HSPG2: variants seen among roughly 807,000 people sequenced by gnomAD.
The protein encoded by HSPG2 is basement membrane-specific heparan sulfate proteoglycan core protein.
In HSPG2, 278 loss-of-function variants were observed where a neutral mutation model predicts 526.6. That is an observed-to-expected ratio of 0.53 (90% confidence interval 0.48 to 0.58). The LOEUF is 0.58. Among genes scored for constraint, HSPG2 ranks in the 20% least tolerant of loss-of-function variants. The pLI, the probability that HSPG2 is intolerant of heterozygous loss-of-function variation, is 0.00. For missense variants in HSPG2, 5,354 were observed against 6,099.5 expected (o/e 0.88, Z 4.07); for synonymous variants, 2,465 against 2,555.4 (o/e 0.96, Z 1.07).
chr1:21,850,270 A>G, intron 56 of HSPG2, 78 bp from the exon 57 acceptor site: 1 of 1,611,482 alleles, frequency 6.2e-7, no homozygotes. Context: ...AGGCAGGTGC[A>G]GTCTGCGGCT....
rs1639272783 is a variant in HSPG2, at chr1:21,855,561, G to T, written c.5816C>A (p.Ala1939Asp). The stretch of plus-strand genomic sequence containing the variant: ...CACAGCCCTGGCCACCTGCTGCCCA[G>T]CGCTGCTGTGGGCTCGGCACAAGTA... ...AQYLCRAHSS[A>D]GQQVARAVLH... is the part of the protein sequence containing the mutation. Residue 1939 changes from alanine to aspartate, a missense_variant, in exon 46 of 97, where the codon GCT (alanine) becomes GAT (aspartate). Physicochemically the swap from Ala to Asp is moderately radical, Grantham distance 126. Transcript: ENST00000374695. The T allele has an allele frequency of 3.1e-6, 5 of 1,602,230 alleles. No individual in the cohort carries two copies. Among genetic ancestry groups the T allele is most frequent in the Non-Finnish European group, 3.4e-6 (4 of 1,175,910 alleles).
chr1:21,925,027 G>A (rs1328762787), intron 1 of HSPG2, among the ~76,000 whole-genome samples: 2 of 152,190 alleles, frequency 1.3e-5, no homozygotes, highest in African/African-American at 2.4e-5. Flanking sequence ...AAGATCCAAG[G>A]CATCCGGAGA....
chr1:21,906,893 A>G (rs904063308), intron 1 of HSPG2, among the ~76,000 whole-genome samples: 2 of 152,178 alleles, frequency 1.3e-5, no homozygotes, highest in African/African-American at 4.8e-5. Flanking sequence ...GTAAGATTTT[A>G]GACGTAAGAT....
At chr1:21,891,576 T>G (rs185509582) in intron 3 of HSPG2, among the ~76,000 whole-genome samples, 1 of 152,286 alleles carries the variant, frequency 6.6e-6, no homozygotes, top group Admixed American at 6.5e-5. Context: ...GCTGAATAAA[T>G]TCATCTCAGA....
intron 55 of HSPG2, among the ~76,000 whole-genome samples, chr1:21,851,059 G>A (rs944193759): frequency 1.3e-5 from 2 of 150,642 alleles, no homozygotes; most frequent in Non-Finnish European, 2.9e-5. Flanking sequence ...TGCAGCCTCC[G>A]CCTCCTGGGT....
chr1:21,909,232 G>C (rs970282094), intron 1 of HSPG2, among the ~76,000 whole-genome samples: 8 of 152,314 alleles, frequency 5.3e-5, no homozygotes, highest in Middle Eastern at 6.8e-3. Flanking sequence ...CTCTTGCCCT[G>C]TTCCAAAAAG....
chr1:21,838,494 A>G (rs1045671588), intron 74 of HSPG2, among the ~76,000 whole-genome samples: 2 of 152,256 alleles, frequency 1.3e-5, no homozygotes, highest in African/African-American at 4.8e-5. Context: ...GGCTGCTGAG[A>G]TGCCTGGGTC....
chr1:21,871,260 T>TG (rs1557754435), intron 33 of HSPG2, among the ~76,000 whole-genome samples: 2 of 144,394 alleles, frequency 1.4e-5, no homozygotes, highest in African/African-American at 2.6e-5. Flanking sequence ...GAGTATTTGT[T>TG]TTTTTTTTTT....
chr1:21,874,300 C>G, intron 28 of HSPG2, 106 bp downstream of exon 28: 1 of 1,459,546 alleles, frequency 6.9e-7, no homozygotes. Context: ...GGCAGTAAGG[C>G]CAGGATTTAA....
rs1458730269 is a variant in HSPG2 at position 21,859,652 on chromosome 1, A to C, written c.5207T>G (p.Val1736Gly). 1.2e-6 allele frequency: 2 copies of C among 1,608,748 alleles called. No homozygotes were observed. The change falls in exon 42 of 97, where the codon GTC (valine) becomes GGC (glycine). Residue 1736 changes from valine (V) to glycine (G), a missense_variant. Physicochemically the swap from Val to Gly is moderately radical, Grantham distance 109. Coordinates refer to ENST00000374695, the MANE Select transcript of HSPG2 (RefSeq NM_005529.7). This position sits in a 1 kb window ranked among gnomAD's most constrained non-coding sequence, Gnocchi z 5.3. ...GTAGACCCCAGCATCCGAGGGCTGG[A>C]CGCTGGGGAAGTGGAGCTCGGAGCC... The part of the protein sequence containing the change: ...HQGSELHFPS[V>G]QPSDAGVYIC...
intron 64 of HSPG2, among the ~76,000 whole-genome samples, chr1:21,845,440 G>A (rs1638352022): frequency 6.6e-6 from 1 of 152,052 alleles, no homozygotes; most frequent in Non-Finnish European, 1.5e-5. Flanking sequence ...GTGCAGTGGT[G>A]CAATCTTGGC....
chr1:21,901,832 C>A (rs548430644), intron 1 of HSPG2, among the ~76,000 whole-genome samples: 2 of 152,174 alleles, frequency 1.3e-5, no homozygotes, highest in African/African-American at 4.8e-5. Flanking sequence ...CTCCCTGCCA[C>A]GGTCACCACA....
At chr1:21,914,741 AAAGG>A (rs899299340) in intron 1 of HSPG2, among the ~76,000 whole-genome samples, 5 of 152,124 alleles carry the variant, frequency 3.3e-5, no homozygotes, top group Non-Finnish European at 4.4e-5. Context: ...CTCCTCCCCA[AAAGG>A]AAGGGGAGGA....
In HSPG2 at chr1:21,908,175, T is replaced by C. The variant is rs777100703; in HGVS notation, c.64-11865A>G. On this transcript the variant is annotated intron_variant, in intron 1 of 96. Transcript: ENST00000374695. ...CTTTTAGAAAACATGGAGTTGTTCC[T>C]TTGGCCACGTATATGCGAATCTATA... 2.4e-4 allele frequency: 199 copies of C among 831,708 alleles called. 1 individual carries two copies. The Middle Eastern group carries it at 2.5e-3, about 10-fold the overall frequency. The allele number at this position is 831,708 out of a possible 1,614,324, so 51.5% of individuals were successfully genotyped here. A position where few individuals can be genotyped will look rare whatever the true frequency, so the allele number is the denominator to read the frequency against.
intron 1 of HSPG2, among the ~76,000 whole-genome samples, chr1:21,901,253 G>A (rs1643087282): frequency 6.6e-6 from 1 of 152,064 alleles, no homozygotes; most frequent in Non-Finnish European, 1.5e-5. Flanking sequence ...GGCACTTAGT[G>A]AGGCGTTTAC....
intron 1 of HSPG2, among the ~76,000 whole-genome samples, chr1:21,931,882 G>T (rs982134625): frequency 1.3e-5 from 2 of 152,176 alleles, no homozygotes; most frequent in Non-Finnish European, 2.9e-5. Context: ...AACCAGGAGG[G>T]TGTTCTTCCC....
chr1:21,847,171 C>T lies in HSPG2; in HGVS notation c.8164+183G>A, dbSNP rs1019401730. On this transcript the variant is annotated intron_variant, in intron 62 of 96. Transcript: ENST00000374695. The surrounding 1 kb of genome is among the most constrained non-coding windows in gnomAD (Gnocchi z 4.1). ...CACAGGCCAAGTCAGTGGCTGCAAGCCACACGTGGCTATTGAGAATTTGAA... is the reference window on the plus strand; with the variant it reads ...CACAGGCCAAGTCAGTGGCTGCAAGTCACACGTGGCTATTGAGAATTTGAA... Among the ~76,000 whole-genome samples the T allele has an allele frequency of 2.0e-4, 30 of 152,366 alleles. No individual in the cohort carries two copies. The highest frequency in any genetic ancestry group is 3.4e-3 in the Middle Eastern group (1 of 294).
Position 21,824,843 on chromosome 1 carries a change from C to A in HSPG2, c.12590-64G>T. On this transcript the variant is annotated intron_variant, in intron 91 of 96. Transcript: ENST00000374695. This position sits in a 1 kb window ranked among gnomAD's most constrained non-coding sequence, Gnocchi z 5.9. The stretch of plus-strand genomic sequence containing the variant: ...CAGGCATCAAAATCCCCCGTCAGTT[C>A]CCCTGACCCCCACCTCCACGCCAAC... 1 of 1,424,908 alleles carries A rather than the reference C, an allele frequency of 7.0e-7. No homozygotes were observed. The highest frequency in any genetic ancestry group is 9.7e-7 in the Non-Finnish European group (1 of 1,028,900). The allele number at this position is 1,424,908 out of a possible 1,614,324, so 88.3% of individuals were successfully genotyped here. A position where few individuals can be genotyped will look rare whatever the true frequency, so the allele number is the denominator to read the frequency against.
chr1:21,911,229 A>G (rs2445130), intron 1 of HSPG2, among the ~76,000 whole-genome samples: 142,670 of 152,274 alleles, frequency 0.94, 67,436 homozygotes, highest in Non-Finnish European at 1. Flanking sequence ...CCCCTCCCCA[A>G]GGGCAGCAGC....
Sources: allele counts gnomAD v4.1 joint callset (sites outside exome capture counted in the v4.1 genomes callset), GRCh38; gene constraint gnomAD v4.1.1; non-coding constraint Gnocchi (gnomAD v3.1); transcripts MANE v1.5; gene names NCBI Gene and HGNC (gene_info 2026-07-23, HGNC 2026-07-21).